The following CLIP1 variants were observed in gnomAD, a reference collection of about 807,000 sequenced individuals.
CLIP1 encodes CAP-Gly domain-containing linker protein 1.
In CLIP1, 66 loss-of-function variants were observed where a neutral mutation model predicts 161.6. The observed-to-expected ratio is 0.41, with a 90% CI of 0.33 to 0.50. The LOEUF (loss-of-function observed/expected upper bound fraction) is 0.50. CLIP1 is among the 20% of genes least tolerant of loss of function. The pLI is 0.27. For missense variants in CLIP1, 1,376 were observed against 1,702.0 expected, an observed-to-expected ratio of 0.81 and a Z score of 3.37; for synonymous variants, 598 against 626.2, an observed-to-expected ratio of 0.96 and a Z score of 0.67.
At chr12:122,369,301 C>A (rs980558156) in intron 3 of CLIP1, among the ~76,000 whole-genome samples, 1 of 152,064 alleles carries the variant, frequency 6.6e-6, no homozygotes, top group Non-Finnish European at 1.5e-5. Context: ...GGATTACAGA[C>A]GTGAGCCACC....
intron 10 of CLIP1, among the ~76,000 whole-genome samples, chr12:122,346,511 T>C (rs1446213790): frequency 2.0e-5 from 3 of 152,182 alleles, no homozygotes; most frequent in Non-Finnish European, 4.4e-5. Flanking sequence ...TTGTTTTGTT[T>C]TGTTTTTTCC....
intron 1 of CLIP1, among the ~76,000 whole-genome samples, chr12:122,420,005 C>G (rs1434273207): frequency 6.7e-6 from 1 of 148,366 alleles, no homozygotes; most frequent in Non-Finnish European, 1.5e-5. Flanking sequence ...TGGGATGTGA[C>G]AGAGTGAATT....
Position 122,328,803 on chromosome 12 carries a change from G to C in CLIP1, c.2868-377C>G, listed in dbSNP as rs185169822. On this transcript the variant is annotated intron_variant, in intron 15 of 25. Transcript: ENST00000620786. ...TCACCGTGTTAGCCAGGATGGTCTCGATCTCCTGGCCTCGTGATTCGCCTG... is the reference window on the plus strand; with the variant it reads ...TCACCGTGTTAGCCAGGATGGTCTCCATCTCCTGGCCTCGTGATTCGCCTG... Among the ~76,000 whole-genome samples, 204 of 152,210 alleles carry C rather than the reference G, an allele frequency of 1.3e-3. 3 individuals carry two copies. Among genetic ancestry groups the C allele is most frequent in the African/African-American group, 4.5e-3 (187 of 41,552 alleles).
intron 19 of CLIP1, 53 bp from the exon 20 acceptor site, chr12:122,309,935 CTGTGGG>C: frequency 6.2e-7 from 1 of 1,604,554 alleles, no homozygotes; most frequent in Non-Finnish European, 8.5e-7. Flanking sequence ...GGCAAGGAAA[CTGTGGG>C]AGACAACCAG....
In CLIP1 at chr12:122,355,031, C is replaced by T. The variant is rs529548102; in HGVS notation, c.1203+84G>A. On this transcript the variant is annotated intron_variant, in intron 6 of 25. Transcript: ENST00000620786. The surrounding 1 kb of genome is among the most constrained non-coding windows in gnomAD (Gnocchi z 4.1). ...TCTTGTGCTCTCAAGTCTAGCTCCT[C>T]GGTGCCAAGCACCGGGCATGCTTCT... 5.7e-6 allele frequency: 7 copies of T among 1,233,284 alleles called. No individual in the cohort carries two copies. Among genetic ancestry groups the T allele is most frequent in the Middle Eastern group, 1.9e-4 (1 of 5,132 alleles). The allele number at this position is 1,233,284 out of a possible 1,614,324, so 76.4% of individuals were successfully genotyped here. A position where few individuals can be genotyped will look rare whatever the true frequency, so the allele number is the denominator to read the frequency against.
chr12:122,354,003 C>G (rs1953194699), intron 7 of CLIP1, among the ~76,000 whole-genome samples: 1 of 152,102 alleles, frequency 6.6e-6, no homozygotes, highest in South Asian at 2.1e-4. Flanking sequence ...CACAGTATGG[C>G]AGAGTTCACC....
intron 1 of CLIP1, among the ~76,000 whole-genome samples, chr12:122,399,133 A>G (rs1267657877): frequency 6.6e-6 from 1 of 152,126 alleles, no homozygotes. Flanking sequence ...ATAAATAAAA[A>G]AGTATGAACA....
At chr12:122,294,356 C>A (rs1327510628) in intron 20 of CLIP1, among the ~76,000 whole-genome samples, 19 of 131,642 alleles carry the variant, frequency 1.4e-4, no homozygotes, top group Admixed American at 6.2e-4. Flanking sequence ...AAAAAAAAAA[C>A]CCCAAACTGG....
chr12:122,337,411 A>T (rs1952278109), intron 11 of CLIP1, among the ~76,000 whole-genome samples: 1 of 147,776 alleles, frequency 6.8e-6, no homozygotes, highest in African/African-American at 2.5e-5. Context: ...AGACCACTGC[A>T]CTCCAGTCTG....
At chr12:122,293,592 C>T (rs1950341330) in intron 20 of CLIP1, among the ~76,000 whole-genome samples, 1 of 151,602 alleles carries the variant, frequency 6.6e-6, no homozygotes, top group Non-Finnish European at 1.5e-5. Flanking sequence ...GATTCTCCTG[C>T]CTCAGCCTCC....
chr12:122,274,362 A>T (rs1955305599), intron 24 of CLIP1, 200 bp from the exon 25 acceptor site: 2 of 497,238 alleles, frequency 4.0e-6, no homozygotes, highest in Admixed American at 6.4e-5. Context: ...CTGAACTTAA[A>T]TGAGGCCATG....
chr12:122,343,759 A>C (rs1274609920), intron 10 of CLIP1: 1 of 152,230 alleles, frequency 6.6e-6, no homozygotes, highest in Non-Finnish European at 1.5e-5. Context: ...GTGCCCTTTC[A>C]TTGCTAGAAA....
At chr12:122,364,840 GA>G in intron 3 of CLIP1, 2 of 868,486 alleles carry the variant, frequency 2.3e-6, no homozygotes, top group Non-Finnish European at 3.8e-6. Flanking sequence ...AGGCCTTTTA[GA>G]AAAAATGGAG....
At chr12:122,352,853 A>C in intron 7 of CLIP1, 67 bp from the exon 8 acceptor site, 1 of 1,383,872 alleles carries the variant, frequency 7.2e-7, no homozygotes, top group Non-Finnish European at 1.0e-6. Flanking sequence ...AAAAAACAAA[A>C]CAAACAAACA....
At chr12:122,373,150 C>T (rs1954537121) in intron 3 of CLIP1, among the ~76,000 whole-genome samples, 1 of 152,070 alleles carries the variant, frequency 6.6e-6, no homozygotes, top group Admixed American at 6.6e-5. Flanking sequence ...AAGGGCCGGG[C>T]GTGGTGGCTC....
At chr12:122,354,577 G>C (rs561252581) in intron 6 of CLIP1, 21 bp from the exon 7 acceptor site, 2 of 1,582,112 alleles carry the variant, frequency 1.3e-6, no homozygotes, top group East Asian at 2.2e-5. Context: ...CAAGAATGTC[G>C]GTAAATGGAC....
intron 20 of CLIP1, among the ~76,000 whole-genome samples, chr12:122,291,467 G>T (rs779881230): frequency 7.2e-5 from 11 of 152,216 alleles, no homozygotes; most frequent in Non-Finnish European, 1.5e-4. Context: ...TGGGATTACA[G>T]GTGTGAGCTA....
chr12:122,289,670 G>C (rs193132286), intron 20 of CLIP1, among the ~76,000 whole-genome samples: 315 of 152,114 alleles, frequency 2.1e-3, no homozygotes, highest in African/African-American at 6.9e-3. Flanking sequence ...ATTTCCAGTG[G>C]TTCTTTATTA....
chr12:122,351,768 G>A (rs1405319731), intron 8 of CLIP1, among the ~76,000 whole-genome samples: 1 of 152,056 alleles, frequency 6.6e-6, no homozygotes. Context: ...ATCTAGCAAT[G>A]GCTTGAAACC....
Sources: gnomAD v4.1 joint callset for allele counts (sites outside exome capture counted in the v4.1 genomes callset) on GRCh38, gnomAD v4.1.1 for gene constraint, Gnocchi (gnomAD v3.1) non-coding constraint, MANE v1.5 for transcripts, NCBI Gene and HGNC (gene_info 2026-07-23, HGNC 2026-07-21) for gene names.